Variants in OXSR1 observed in about 807,000 individuals in gnomAD.
The protein encoded by OXSR1 is serine/threonine-protein kinase OSR1.
OXSR1 carries 24 observed loss-of-function variants against 79.8 expected under a neutral mutation model. That is an observed-to-expected ratio of 0.30 (90% CI 0.22 to 0.42). The LOEUF (loss-of-function observed/expected upper bound fraction) is 0.42. OXSR1 is among the 10% of genes least tolerant of loss of function. OXSR1 has a pLI of 1.00. For synonymous variants in OXSR1, 226 were observed against 209.2 expected, an observed-to-expected ratio of 1.08 and a Z score of -0.69; for missense variants, 430 against 618.4, an observed-to-expected ratio of 0.70 and a Z score of 3.23.
intron 8 of OXSR1, among the ~76,000 whole-genome samples, chr3:38,228,165 A>G (rs1251177503): frequency 1.3e-4 from 20 of 152,186 alleles, no homozygotes; most frequent in Admixed American, 1.3e-3. Flanking sequence ...CCAGCTAGTC[A>G]GACTATCATT....
chr3:38,223,824 G>T lies in OXSR1; in HGVS notation c.613G>T (p.Asp205Tyr), dbSNP rs934019667. The T allele has an allele frequency of 6.2e-7, 1 of 1,609,374 alleles. No homozygotes were observed. The highest frequency in any genetic ancestry group is 8.5e-7 in the Non-Finnish European group (1 of 1,176,970). The change falls in exon 7 of 18, where the codon GAT becomes TAT. Residue 205 changes from aspartate (D) to tyrosine (Y), a missense_variant. This residue lies in a region of OXSR1 where 9 missense variants were observed against 35.8 expected (regional missense o/e 0.25). Coordinates refer to ENST00000311806, the MANE Select transcript of OXSR1 (RefSeq NM_005109.3). ...ATCTGTTTTGCAGGTCCGTGGTTAT[G>T]ATTTCAAAGCTGATATTTGGAGTTT... ...PEVMEQVRGY[D>Y]FKADIWSFGI... is the part of the protein sequence containing the mutation.
chr3:38,184,502 A>C (rs1701844126), intron 2 of OXSR1, among the ~76,000 whole-genome samples: 1 of 152,254 alleles, frequency 6.6e-6, no homozygotes. Flanking sequence ...AAAGAAAAAC[A>C]AAAATGTTAA....
At chr3:38,198,902 T>G in intron 4 of OXSR1, 39 bp downstream of exon 4, 1 of 1,563,552 alleles carries the variant, frequency 6.4e-7, no homozygotes, top group Middle Eastern at 1.7e-4. Flanking sequence ...CATCATCTCA[T>G]TAAGGCCATT....
intron 1 of OXSR1, among the ~76,000 whole-genome samples, chr3:38,174,991 A>C (rs1701651781): frequency 6.6e-6 from 1 of 152,186 alleles, no homozygotes; most frequent in East Asian, 1.9e-4. Flanking sequence ...ATTCTTACAG[A>C]TGTTTTGCCA....
intron 12 of OXSR1, 62 bp from the exon 13 acceptor site, chr3:38,246,013 G>T: frequency 6.6e-7 from 1 of 1,511,734 alleles, no homozygotes; most frequent in Non-Finnish European, 9.2e-7. Context: ...TGAACTTGCT[G>T]TCAGCAGACC....
intron 10 of OXSR1, 46 bp from the exon 11 acceptor site, chr3:38,236,793 T>G: frequency 6.5e-7 from 1 of 1,526,982 alleles, no homozygotes; most frequent in Non-Finnish European, 8.8e-7. Context: ...TTCTACTTAG[T>G]AAGCATGAAA....
In OXSR1 at chr3:38,165,683, C is replaced by T. The variant is rs9819438; in HGVS notation, c.-194C>T. On this transcript the variant is annotated 5_prime_UTR_variant, in exon 1 of 18. Transcript: ENST00000311806. ...CGGAGGAGCAGGAGGCGAGGTCCGC[C>T]GGAGCTCTGAGCCCCCGCTGCTCTG... 1.8e-3 allele frequency: 956 copies of T among 542,394 alleles called. 7 individuals are homozygous for T. The African/African-American group carries it at 0.018, about 10-fold the overall frequency. 33.6% of individuals were successfully genotyped at this position (542,394 alleles called of 1,614,324 possible). A position where few individuals can be genotyped will look rare whatever the true frequency, so the allele number is the denominator to read the frequency against.
At chr3:38,230,239 A>AG in intron 9 of OXSR1, 126 bp from the exon 10 acceptor site, 1 of 683,084 alleles carries the variant, frequency 1.5e-6, no homozygotes, top group Non-Finnish European at 2.7e-6. Context: ...AAAGAATGAA[A>AG]GTTTTTCTCA....
At position 38,224,726 on chromosome 3, in the gene OXSR1, A is replaced by G. The variant is rs146135619; in HGVS notation, c.836+22A>G. The stretch of plus-strand genomic sequence containing the variant: ...AAAGGTAAAATATGAGAAAAAGTCT[A>G]CTTTTCTCTCTAATAAAACATTGTG... On this transcript the variant is annotated intron_variant, in intron 8 of 17. Transcript: ENST00000311806. 350 of 1,480,136 alleles carry G rather than the reference A, an allele frequency of 2.4e-4. No homozygotes were observed. In the African/African-American group the frequency reaches 3.1e-3, roughly 13 times the overall value. The allele number at this position is 1,480,136 out of a possible 1,614,324, so 91.7% of individuals were successfully genotyped here.
chr3:38,205,013 C>G (rs536904363), intron 4 of OXSR1, among the ~76,000 whole-genome samples: 2 of 152,286 alleles, frequency 1.3e-5, no homozygotes, highest in Admixed American at 6.5e-5. Context: ...GGGCAATTCC[C>G]CCTGGCTAGA....
rs181301603 is a variant in OXSR1 at position 38,254,931 on chromosome 3, C to G, written c.*2040C>G. On this transcript the variant is annotated 3_prime_UTR_variant, in exon 18 of 18. Coordinates refer to ENST00000311806, the MANE Select transcript of OXSR1 (RefSeq NM_005109.3). ...TAGAATTGGGCTGGGGTTTCTCCTT[C>G]TTTTCAGTTCATTGTTTGCCCTGCT... is the stretch of plus-strand genomic sequence containing the variant. The G allele has an allele frequency of 1.7e-4, 26 of 152,748 alleles. No homozygotes were observed. Among genetic ancestry groups the G allele is most frequent in the Non-Finnish European group, 5.9e-5 (4 of 68,058 alleles). 9.5% of individuals were successfully genotyped at this position (152,748 alleles called of 1,614,324 possible). A position where few individuals can be genotyped will look rare whatever the true frequency, so the allele number is the denominator to read the frequency against.
rs1268360719 is a variant in OXSR1, at chr3:38,224,482, G to A, written c.703-89G>A. 1.1e-5 allele frequency: 10 copies of A among 920,042 alleles called. No homozygotes were observed. In the South Asian group the frequency reaches 1.1e-4, roughly 10 times the overall value. The allele number at this position is 920,042 out of a possible 1,614,324, so 57.0% of individuals were successfully genotyped here. On this transcript the variant is annotated intron_variant, in intron 7 of 17. Transcript: ENST00000311806. ...AAAATAAAATGTTTGTATGTTGGTC[G>A]GGGGGTGCCTGTATTGAAAAATCTT...
intron 4 of OXSR1, among the ~76,000 whole-genome samples, chr3:38,204,259 C>T (rs540684700): frequency 2.0e-5 from 3 of 151,764 alleles, no homozygotes; most frequent in Admixed American, 1.3e-4. Flanking sequence ...GCCCAGGGCA[C>T]GTCCAGAAAT....
chr3:38,196,849 CTTAA>C (rs1275934707), intron 3 of OXSR1, among the ~76,000 whole-genome samples: 7 of 152,134 alleles, frequency 4.6e-5, no homozygotes, highest in Non-Finnish European at 7.3e-5. Context: ...TGTAATAGGG[CTTAA>C]TTGTTAAGTG....
At chr3:38,206,263 T>C (rs1702262088) in intron 4 of OXSR1, among the ~76,000 whole-genome samples, 1 of 152,156 alleles carries the variant, frequency 6.6e-6, no homozygotes. Flanking sequence ...GCTTATAAGC[T>C]AACTTTGAGG....
intron 4 of OXSR1, among the ~76,000 whole-genome samples, chr3:38,199,147 T>A (rs190586638): frequency 6.6e-6 from 1 of 152,352 alleles, no homozygotes; most frequent in African/African-American, 2.4e-5. Context: ...TTAAAAAATA[T>A]CTAAAACAAT....
intron 5 of OXSR1, among the ~76,000 whole-genome samples, chr3:38,218,324 G>A (rs1702524611): frequency 6.6e-6 from 1 of 151,760 alleles, no homozygotes; most frequent in Non-Finnish European, 1.5e-5. Flanking sequence ...GTTAGTTTCT[G>A]GGTTTTTTGT....
chr3:38,225,343 C>G (rs1298277001), intron 8 of OXSR1, among the ~76,000 whole-genome samples: 2 of 152,120 alleles, frequency 1.3e-5, no homozygotes, highest in African/African-American at 4.8e-5. Flanking sequence ...ACTTAGGGCT[C>G]TGTTCCTTCT....
chr3:38,174,312 G>C (rs184304171), intron 1 of OXSR1, among the ~76,000 whole-genome samples: 3 of 151,998 alleles, frequency 2.0e-5, no homozygotes, highest in Admixed American at 6.6e-5. Context: ...GGCTGGGCGA[G>C]GTGCCTCACC....
Sources: gnomAD v4.1 joint callset for allele counts (sites outside exome capture counted in the v4.1 genomes callset) on GRCh38, gnomAD v4.1.1 for gene constraint, gnomAD v4.1.1 regional missense constraint, MANE v1.5 for transcripts, NCBI Gene and HGNC (gene_info 2026-07-23, HGNC 2026-07-21) for gene names.